Variants in CCDC179 observed in about 807,000 individuals in gnomAD.
The protein encoded by CCDC179 is coiled-coil domain containing 179, also known as coiled-coil domain-containing protein 179.
Under a neutral mutation model 12.0 loss-of-function variants are expected in CCDC179, and 17 were observed. That is an observed-to-expected ratio of 1.42 (90% confidence interval 0.97 to 2.13). The LOEUF (loss-of-function observed/expected upper bound fraction) is 2.13, where lower values mean the gene tolerates loss of function less well. Ranked by LOEUF, CCDC179 falls within the 30% of genes most tolerant of loss-of-function variation. CCDC179 has a pLI of 0.00. For missense variants in CCDC179, 83 were observed against 78.6 expected, an observed-to-expected ratio of 1.06 and a Z score of -0.21; for synonymous variants, 27 against 26.4, an observed-to-expected ratio of 1.02 and a Z score of -0.07.
chr11:22,853,037 G>A (rs971442320), intron 3 of CCDC179, among the ~76,000 whole-genome samples: 1 of 152,156 alleles, frequency 6.6e-6, no homozygotes, highest in African/African-American at 2.4e-5. Context: ...AGAGTCCCTA[G>A]CAAGACCAAA....
At chr11:22,858,089 T>C in intron 2 of CCDC179, 63 bp from the exon 3 acceptor site, 1 of 1,044,988 alleles carries the variant, frequency 9.6e-7, no homozygotes, top group Non-Finnish European at 1.3e-6. Flanking sequence ...GGTAACATTC[T>C]GATTACATTT....
chr11:22,848,899 G>C (rs906790051), intron 3 of CCDC179, among the ~76,000 whole-genome samples: 1 of 152,160 alleles, frequency 6.6e-6, no homozygotes, highest in African/African-American at 2.4e-5. Context: ...TTGATACTGT[G>C]ATGACATTAT....
At chr11:22,856,189 T>C (rs1858525924) in intron 3 of CCDC179, among the ~76,000 whole-genome samples, 1 of 151,398 alleles carries the variant, frequency 6.6e-6, no homozygotes, top group African/African-American at 2.4e-5. Flanking sequence ...ATTACCCTAA[T>C]ACCAAAACCA....
At chr11:22,857,874 C>A in intron 3 of CCDC179, 48 bp downstream of exon 3, 2 of 888,844 alleles carry the variant, frequency 2.3e-6, no homozygotes, top group East Asian at 5.8e-5. Context: ...ATGATGATAT[C>A]AGTTGCATTT....
chr11:22,850,029 C>T (rs894214055), intron 3 of CCDC179, among the ~76,000 whole-genome samples: 2 of 152,160 alleles, frequency 1.3e-5, no homozygotes, highest in African/African-American at 4.8e-5. Flanking sequence ...ATGATGTTTA[C>T]ATAGCATGCA....
At chr11:22,853,743 GAGA>G (rs1182814549) in intron 3 of CCDC179, among the ~76,000 whole-genome samples, 2 of 151,696 alleles carry the variant, frequency 1.3e-5, no homozygotes, top group Admixed American at 6.6e-5. Flanking sequence ...AAGGAAGGAA[GAGA>G]AGGAGGAGAA....
At position 22,859,718 on chromosome 11, in the gene CCDC179, T is replaced by TA. The variant is rs1253370486; in HGVS notation, c.46-223dup. Among the ~76,000 whole-genome samples, 8 of 152,240 alleles carry TA rather than the reference T, an allele frequency of 5.3e-5. No individual in the cohort carries two copies. The East Asian group carries it at 1.3e-3, about 26-fold the overall frequency. On this transcript the variant is annotated intron_variant, in intron 1 of 3. Coordinates refer to ENST00000532798, the MANE Select transcript of CCDC179 (RefSeq NM_001195637.2). ...GTGGAAGATGGAGACGATATTATGATAAAAAAGAACCAGCTGTGAACCACC... is the reference window on the plus strand; with the variant it reads ...GTGGAAGATGGAGACGATATTATGATAAAAAAAGAACCAGCTGTGAACCACC...
At chr11:22,853,100 C>T (rs1040399807) in intron 3 of CCDC179, among the ~76,000 whole-genome samples, 1 of 152,136 alleles carries the variant, frequency 6.6e-6, no homozygotes, top group South Asian at 2.1e-4. Flanking sequence ...TCTGATATCA[C>T]AGTTACAAAT....
intron 3 of CCDC179, among the ~76,000 whole-genome samples, chr11:22,850,175 G>A (rs921467952): frequency 2.0e-5 from 3 of 152,162 alleles, no homozygotes; most frequent in Admixed American, 6.5e-5. Context: ...GAACATGATT[G>A]GTACAATGGC....
At chr11:22,851,202 C>T (rs1858394186) in intron 3 of CCDC179, among the ~76,000 whole-genome samples, 1 of 150,872 alleles carries the variant, frequency 6.6e-6, no homozygotes, top group Non-Finnish European at 1.5e-5. Flanking sequence ...ATAGTTAAGG[C>T]AAAACAATAA....
intron 3 of CCDC179, 21 bp from the exon 4 acceptor site, chr11:22,847,542 C>G (rs1227785135): frequency 7.7e-7 from 1 of 1,296,892 alleles, no homozygotes; most frequent in Non-Finnish European, 1.0e-6. Flanking sequence ...TTAAAATACA[C>G]AAAGAATAAG....
At chr11:22,855,148 T>C (rs1003317408) in intron 3 of CCDC179, among the ~76,000 whole-genome samples, 1 of 151,696 alleles carries the variant, frequency 6.6e-6, no homozygotes, top group Admixed American at 6.6e-5. Flanking sequence ...TTGACAGATC[T>C]AGCAGGCAGA....
intron 3 of CCDC179, among the ~76,000 whole-genome samples, chr11:22,855,441 T>G (rs1858510802): frequency 6.6e-6 from 1 of 151,544 alleles, no homozygotes; most frequent in Non-Finnish European, 1.5e-5. Flanking sequence ...AGAACATACT[T>G]ACAACTAGCA....
chr11:22,858,713 C>T (rs1858590362), intron 2 of CCDC179, among the ~76,000 whole-genome samples: 1 of 152,018 alleles, frequency 6.6e-6, no homozygotes, highest in African/African-American at 2.4e-5. Context: ...AACCATTACA[C>T]TCCTGCCTAA....
rs1443106152 is a variant in CCDC179 at position 22,849,354 on chromosome 11, T to TTTA, written c.196-1834_196-1833insTAA. ...GAACTTAGGATTTTCATATTTAATA[T>TTTA]ATCTTATTTTGCATATTCTTACTTA... On this transcript the variant is annotated intron_variant, in intron 3 of 3. Transcript: ENST00000532798. 2.0e-5 allele frequency among the ~76,000 whole-genome samples: 3 copies of TTTA among 152,204 alleles called. No homozygotes were observed. The East Asian group carries it at 5.8e-4, about 29-fold the overall frequency.
At chr11:22,849,371 TCTTA>T (rs1490087216) in intron 3 of CCDC179, among the ~76,000 whole-genome samples, 1 of 152,204 alleles carries the variant, frequency 6.6e-6, no homozygotes, top group Non-Finnish European at 1.5e-5. Flanking sequence ...TTTTGCATAT[TCTTA>T]CTTATTTGTG....
chr11:22,847,803 C>T (rs180898309), intron 3 of CCDC179, among the ~76,000 whole-genome samples: 73 of 152,060 alleles, frequency 4.8e-4, no homozygotes, highest in Middle Eastern at 3.4e-3. Flanking sequence ...ACAACAAATA[C>T]CGCAAGCAGA....
intron 2 of CCDC179, chr11:22,858,289 G>A: frequency 4.0e-6 from 1 of 247,960 alleles, no homozygotes; most frequent in East Asian, 8.1e-5. Flanking sequence ...ATACACTTAA[G>A]TAGATCCAGA....
Position 22,858,001 on chromosome 11 carries a change from A to G in CCDC179, c.116T>C (p.Met39Thr), listed in dbSNP as rs933505546. Residue 39 changes from methionine (M) to threonine (T), a missense_variant, in exon 3 of 4, where the codon ATG (methionine) becomes ACG (threonine). Met to Thr is a moderately conservative substitution (Grantham distance 81). Coordinates refer to ENST00000532798, the MANE Select transcript of CCDC179 (RefSeq NM_001195637.2). ...CCTCTTCTCTTTCTTTAGGTGTTGC[A>G]TATTCTGAATACGTTTATTTGCAAG... ...RQLANKRIQN[M>T]QHLKKEKRRL... 3.3e-6 allele frequency: 5 copies of G among 1,516,156 alleles called. No homozygotes were observed. Among genetic ancestry groups the G allele is most frequent in the East Asian group, 2.5e-5 (1 of 40,580 alleles). The allele number at this position is 1,516,156 out of a possible 1,614,324, so 93.9% of individuals were successfully genotyped here.
Sources: gnomAD v4.1 joint callset for allele counts (sites outside exome capture counted in the v4.1 genomes callset) on GRCh38, gnomAD v4.1.1 for gene constraint, MANE v1.5 for transcripts, NCBI Gene and HGNC (gene_info 2026-07-23, HGNC 2026-07-21) for gene names.